The following LRP1B variants were observed in gnomAD, a reference collection of about 807,000 sequenced individuals.
The protein encoded by LRP1B is LDL receptor related protein 1B, also known as low-density lipoprotein receptor-related protein 1B.
A neutral mutation model predicts 556.6 loss-of-function variants in LRP1B; 217 were observed. That is an observed-to-expected ratio of 0.39 (90% CI 0.35 to 0.44). The LOEUF (loss-of-function observed/expected upper bound fraction) is 0.44, where lower values mean the gene tolerates loss of function less well. Ranked by LOEUF, LRP1B falls within the 20% of genes least tolerant of loss-of-function variation. The pLI is 1.00. For synonymous variants in LRP1B, 2,047 were observed against 1,865.8 expected, an observed-to-expected ratio of 1.10 and a Z score of -2.50; for missense variants, 5,053 against 5,620.8, an observed-to-expected ratio of 0.90 and a Z score of 3.23.
At chr2:140,731,764 C>CAAAAAAAAAAAAAAAA (rs36060787) in intron 35 of LRP1B, among the ~76,000 whole-genome samples, 2 of 59,388 alleles carry the variant, frequency 3.4e-5, no homozygotes, top group African/African-American at 1.2e-4. Context: ...GAGACTCCGT[C>CAAAAAAAAAAAAAAAA]AAAAAAAAAA....
intron 3 of LRP1B, among the ~76,000 whole-genome samples, chr2:141,271,691 A>C (rs1685096560): frequency 6.6e-6 from 1 of 151,842 alleles, no homozygotes; most frequent in Non-Finnish European, 1.5e-5. Flanking sequence ...TATTGTTAGT[A>C]AACCTAGCTT....
chr2:141,340,703 T>C (rs963034910), intron 3 of LRP1B, among the ~76,000 whole-genome samples: 1 of 152,178 alleles, frequency 6.6e-6, no homozygotes, highest in Non-Finnish European at 1.5e-5. Context: ...CTTCAAATTA[T>C]CCTAGCTCTC....
At chr2:140,393,691 A>T (rs2105214823) in intron 66 of LRP1B, among the ~76,000 whole-genome samples, 2 of 152,260 alleles carry the variant, frequency 1.3e-5, no homozygotes, top group Middle Eastern at 3.4e-3. Context: ...TAATGGAAAT[A>T]ATGAGGTGAA....
intron 89 of LRP1B, among the ~76,000 whole-genome samples, chr2:140,237,945 T>G (rs753277807): frequency 4.0e-5 from 6 of 150,876 alleles, no homozygotes; most frequent in Non-Finnish European, 7.4e-5. Context: ...AAATATGTGT[T>G]TTCTAAGATG....
In LRP1B at chr2:141,451,442, C is replaced by A. The variant is rs188190734; in HGVS notation, c.343+28954G>T. Among the ~76,000 whole-genome samples the A allele has an allele frequency of 7.2e-5, 11 of 152,298 alleles. No homozygotes were observed. In the East Asian group the frequency reaches 1.3e-3, roughly 19 times the overall value. On this transcript the variant is annotated intron_variant, in intron 3 of 90. Transcript: ENST00000389484. ...TTGTAAATGTAAAGCAACCTAGTTACATTGACATCAAAATACAAATTAACT... is the reference window on the plus strand; with the variant it reads ...TTGTAAATGTAAAGCAACCTAGTTAAATTGACATCAAAATACAAATTAACT...
chr2:142,023,561 C>T (rs1314254732), intron 1 of LRP1B, among the ~76,000 whole-genome samples: 2 of 152,130 alleles, frequency 1.3e-5, no homozygotes, highest in Admixed American at 1.3e-4. Context: ...AGGTCAATAC[C>T]TAAAGTTAAA....
At chr2:141,593,124 T>C (rs1458877717) in intron 2 of LRP1B, among the ~76,000 whole-genome samples, 1 of 152,094 alleles carries the variant, frequency 6.6e-6, no homozygotes, top group Non-Finnish European at 1.5e-5. Flanking sequence ...GATAATGATA[T>C]TTCTGCAAAT....
At chr2:140,697,428 A>G (rs542967804) in intron 41 of LRP1B, among the ~76,000 whole-genome samples, 5 of 151,892 alleles carry the variant, frequency 3.3e-5, no homozygotes, top group Admixed American at 2.0e-4. Context: ...ATACATATAT[A>G]TGTATTAGCA....
intron 3 of LRP1B, among the ~76,000 whole-genome samples, chr2:141,297,473 T>A (rs920295122): frequency 6.6e-6 from 1 of 152,272 alleles, no homozygotes; most frequent in Non-Finnish European, 1.5e-5. Context: ...CAATTTTTTT[T>A]AAGTAAAATC....
chr2:141,418,030 T>A (rs62167983), intron 3 of LRP1B, among the ~76,000 whole-genome samples: 3,183 of 152,288 alleles, frequency 0.021, 68 homozygotes, highest in East Asian at 0.091. Flanking sequence ...ATGTCTTCAC[T>A]GGACAAAGAT....
intron 2 of LRP1B, among the ~76,000 whole-genome samples, chr2:141,521,851 G>T (rs1453161034): frequency 6.6e-6 from 1 of 152,002 alleles, no homozygotes; most frequent in Admixed American, 6.6e-5. Context: ...TTTAATTACA[G>T]TTAAATTTGT....
chr2:140,941,669 C>A (rs1307559302), intron 20 of LRP1B, among the ~76,000 whole-genome samples: 1 of 152,090 alleles, frequency 6.6e-6, no homozygotes, highest in Non-Finnish European at 1.5e-5. Context: ...TATCTACAAC[C>A]AAGTAACTCA....
intron 1 of LRP1B, among the ~76,000 whole-genome samples, chr2:142,044,452 C>G (rs1704184393): frequency 6.6e-6 from 1 of 151,662 alleles, no homozygotes; most frequent in Non-Finnish European, 1.5e-5. Flanking sequence ...CTGATCTTTG[C>G]ATGCTCCTCC....
chr2:142,120,286 A>AT (rs1049751980), intron 1 of LRP1B, among the ~76,000 whole-genome samples: 8 of 151,958 alleles, frequency 5.3e-5, no homozygotes, highest in African/African-American at 1.9e-4. Context: ...TAATTTTTGT[A>AT]TTTTTTGTAG....
At chr2:141,336,113 C>T (rs1211863728) in intron 3 of LRP1B, among the ~76,000 whole-genome samples, 1 of 29,464 alleles carries the variant, frequency 3.4e-5, no homozygotes, top group Non-Finnish European at 7.8e-5. Context: ...CCAGACCTGT[C>T]CAAAAAAAAA....
At chr2:141,590,142 T>G (rs777986068) in intron 2 of LRP1B, among the ~76,000 whole-genome samples, 1 of 152,162 alleles carries the variant, frequency 6.6e-6, no homozygotes, top group African/African-American at 2.4e-5. Context: ...GGCAGGAAAG[T>G]ACCCTACCAC....
intron 77 of LRP1B, among the ~76,000 whole-genome samples, chr2:140,345,797 T>TACATATATAC (rs1558818073): frequency 7.1e-6 from 1 of 141,256 alleles, no homozygotes; most frequent in Non-Finnish European, 1.5e-5. Context: ...TACACATATA[T>TACATATATAC]ACATATATAC....
At chr2:141,133,687 TC>T (rs1355255025) in intron 7 of LRP1B, among the ~76,000 whole-genome samples, 3 of 151,982 alleles carry the variant, frequency 2.0e-5, no homozygotes, top group African/African-American at 7.2e-5. Flanking sequence ...TATTCTGTAC[TC>T]CCCTTAGCCC....
intron 2 of LRP1B, among the ~76,000 whole-genome samples, chr2:141,659,784 T>C (rs1414462387): frequency 6.6e-6 from 1 of 152,188 alleles, no homozygotes; most frequent in Non-Finnish European, 1.5e-5. Flanking sequence ...TTTTGCTTAT[T>C]ACAGTATCTC....
Sources: allele counts gnomAD v4.1 joint callset (sites outside exome capture counted in the v4.1 genomes callset), GRCh38; gene constraint gnomAD v4.1.1; transcripts MANE v1.5; gene names NCBI Gene and HGNC (gene_info 2026-07-23, HGNC 2026-07-21).